FMN2: variants seen among roughly 807,000 people sequenced by gnomAD.
FMN2 encodes the protein formin-2.
In FMN2, 51 loss-of-function variants were observed where a neutral mutation model predicts 142.3. That is an observed-to-expected ratio of 0.36 (90% CI 0.29 to 0.45). The LOEUF (loss-of-function observed/expected upper bound fraction) is 0.45, where lower values mean the gene tolerates loss of function less well. Among genes scored for constraint, FMN2 ranks in the 20% least tolerant of loss-of-function variants. FMN2 has a pLI of 1.00. For synonymous variants in FMN2, 882 were observed against 869.8 expected, an observed-to-expected ratio of 1.01 and a Z score of -0.25; for missense variants, 1,936 against 2,122.8, an observed-to-expected ratio of 0.91 and a Z score of 1.73.
At chr1:240,239,091 G>GT (rs1456796240) in intron 6 of FMN2, among the ~76,000 whole-genome samples, 1 of 152,134 alleles carries the variant, frequency 6.6e-6, no homozygotes, top group Non-Finnish European at 1.5e-5. Context: ...CTATACTTGA[G>GT]TTTCGTTCAC....
rs752888492 is a variant in FMN2, at chr1:240,206,957, G to A, written c.2145G>A (p.Val715=). The stretch of plus-strand genomic sequence containing the variant: ...GTCATCAAGGGCTTGAGAATGGAGT[G>A]ACAGCCTCAGGCGATGTCTGTCTCG... ...ASGHQGLENG[V]TASGDVCLEA... Residue 715 remains valine, a synonymous_variant, in exon 5 of 18, where the codon GTG becomes GTA. Coordinates refer to ENST00000319653, the MANE Select transcript of FMN2 (RefSeq NM_020066.5). 6.2e-7 allele frequency: 1 copy of A among 1,614,120 alleles called. No homozygotes were observed. The highest frequency in any genetic ancestry group is 1.1e-5 in the South Asian group (1 of 91,086).
intron 6 of FMN2, among the ~76,000 whole-genome samples, chr1:240,252,257 T>C (rs1668301397): frequency 6.6e-6 from 1 of 152,150 alleles, no homozygotes; most frequent in African/African-American, 2.4e-5. Context: ...TCCTTTCTTT[T>C]TCTCTTATTG....
intron 6 of FMN2, among the ~76,000 whole-genome samples, chr1:240,229,693 T>C (rs769914083): frequency 7.4e-6 from 1 of 134,826 alleles, no homozygotes; most frequent in East Asian, 2.2e-4. Flanking sequence ...AGTCTCAGAC[T>C]GGAGTGCCAG....
Position 240,284,360 on chromosome 1 carries a change from GAAAC to G in FMN2, c.4154-10456_4154-10453del, listed in dbSNP as rs1213132972. ...TAAGCTGGGGGGGAGGATTGAGTTAGAAACAAACAGTCAGGAATGACTGACATTT... is the reference window on the plus strand; with the variant it reads ...TAAGCTGGGGGGGAGGATTGAGTTAGAAACAGTCAGGAATGACTGACATTT... On this transcript the variant is annotated intron_variant, in intron 7 of 17. Transcript: ENST00000319653. 3.9e-5 allele frequency among the ~76,000 whole-genome samples: 6 copies of G among 152,114 alleles called. No homozygotes were observed. The East Asian group carries it at 5.8e-4, about 15-fold the overall frequency.
At chr1:240,217,893 G>C (rs1217883584) in intron 6 of FMN2, among the ~76,000 whole-genome samples, 3 of 151,958 alleles carry the variant, frequency 2.0e-5, no homozygotes, top group Non-Finnish European at 1.5e-5. Flanking sequence ...TATATATTAG[G>C]GAAATTATAT....
At chr1:240,371,795 G>A (rs1268998285) in intron 14 of FMN2, among the ~76,000 whole-genome samples, 1 of 152,152 alleles carries the variant, frequency 6.6e-6, no homozygotes, top group Non-Finnish European at 1.5e-5. Flanking sequence ...TTTGTTGTAC[G>A]TTGTCTATGG....
intron 6 of FMN2, among the ~76,000 whole-genome samples, chr1:240,251,876 C>A (rs1668287784): frequency 6.6e-6 from 1 of 152,082 alleles, no homozygotes; most frequent in Non-Finnish European, 1.5e-5. Flanking sequence ...AAATTCAAGT[C>A]ATTTCCTTAA....
chr1:240,193,737 T>C (rs934716104), intron 4 of FMN2, among the ~76,000 whole-genome samples: 2 of 152,242 alleles, frequency 1.3e-5, no homozygotes, highest in Non-Finnish European at 2.9e-5. Flanking sequence ...AGCCCAGTCT[T>C]ATCTGGATTA....
At position 240,235,595 on chromosome 1, in the gene FMN2, A is replaced by T. The variant is rs199543335; in HGVS notation, c.4066-22350A>T. ...CCTGGCTAATTAAAAATTTTTTATT[A>T]TTTTTTTTAGAAATGGGTTCTCACT... is the stretch of plus-strand genomic sequence containing the variant. On this transcript the variant is annotated intron_variant, in intron 6 of 17. Coordinates refer to ENST00000319653, the MANE Select transcript of FMN2 (RefSeq NM_020066.5). Among the ~76,000 whole-genome samples the T allele has an allele frequency of 7.5e-4, 58 of 77,442 alleles. 2 individuals are homozygous for T. The highest frequency in any genetic ancestry group is 2.8e-3 in the South Asian group (5 of 1,800). 50.8% of individuals were successfully genotyped at this position (77,442 alleles called of 152,430 possible).
At chr1:240,378,184 C>G (rs923107186) in intron 14 of FMN2, among the ~76,000 whole-genome samples, 1 of 151,540 alleles carries the variant, frequency 6.6e-6, no homozygotes, top group Non-Finnish European at 1.5e-5. Context: ...GGGTTTCACT[C>G]TTGTTGCCCA....
chr1:240,171,959 A>C (rs141042400), intron 2 of FMN2, among the ~76,000 whole-genome samples: 23 of 152,308 alleles, frequency 1.5e-4, no homozygotes, highest in Admixed American at 3.3e-4. Flanking sequence ...TGAAGAATTT[A>C]AGGATGTGGA....
intron 2 of FMN2, among the ~76,000 whole-genome samples, chr1:240,159,083 A>G (rs1423758919): frequency 2.0e-5 from 3 of 152,106 alleles, no homozygotes; most frequent in Non-Finnish European, 4.4e-5. Flanking sequence ...TGCATTATCT[A>G]ATTGATGATA....
intron 6 of FMN2, 146 bp from the exon 7 acceptor site, chr1:240,257,799 T>TA (rs771955356): frequency 5.4e-4 from 350 of 654,022 alleles, no homozygotes; most frequent in East Asian, 6.4e-4. Context: ...CTTCAAACAT[T>TA]AAAAAAAACA....
intron 7 of FMN2, among the ~76,000 whole-genome samples, chr1:240,261,774 TG>T (rs1378483778): frequency 6.6e-6 from 1 of 152,148 alleles, no homozygotes; most frequent in East Asian, 1.9e-4. Context: ...AATAATTACC[TG>T]TGTGTGTGTT....
chr1:240,207,744 C>T lies in FMN2; in HGVS notation c.2932C>T (p.Pro978Ser), dbSNP rs769708788. The T allele has an allele frequency of 4.0e-6, 6 of 1,505,984 alleles. No homozygotes were observed. The African/African-American group carries it at 8.8e-5, about 22-fold the overall frequency. 93.3% of individuals were successfully genotyped at this position (1,505,984 alleles called of 1,614,324 possible). A position where few individuals can be genotyped will look rare whatever the true frequency, so the allele number is the denominator to read the frequency against. ...PPLPGAGIPP[P>S]PPLPGAGIPP... ...TCTTCCCGGAGCAGGAATACCTCCT[C>T]CACCCCCTCTACCCGGAGCGGGCAT... Residue 978 changes from proline to serine, a missense_variant, in exon 5 of 18, where the codon CCA becomes TCA. Coordinates refer to ENST00000319653, the MANE Select transcript of FMN2 (RefSeq NM_020066.5).
chr1:240,105,103 T>C (rs1456898409), intron 1 of FMN2, among the ~76,000 whole-genome samples: 2 of 100,962 alleles, frequency 2.0e-5, no homozygotes, highest in Non-Finnish European at 3.8e-5. Context: ...TATGCTTCTT[T>C]TTTTTTTTTT....
chr1:240,459,799 T>A (rs937970240), intron 16 of FMN2, among the ~76,000 whole-genome samples: 13 of 147,596 alleles, frequency 8.8e-5, no homozygotes, highest in Non-Finnish European at 1.5e-4. Flanking sequence ...TCTAGATTTT[T>A]CATTTTTAAC....
At chr1:240,232,932 T>G (rs1425558490) in intron 6 of FMN2, among the ~76,000 whole-genome samples, 2 of 152,256 alleles carry the variant, frequency 1.3e-5, no homozygotes, top group Non-Finnish European at 2.9e-5. Flanking sequence ...CTCAGATATT[T>G]ATTTTATCTT....
At chr1:240,306,935 A>G (rs1670428522) in intron 8 of FMN2, among the ~76,000 whole-genome samples, 1 of 152,154 alleles carries the variant, frequency 6.6e-6, no homozygotes, top group Non-Finnish European at 1.5e-5. Context: ...TTTTAGTAAT[A>G]GCCATTCTCA....
Sources: gnomAD v4.1 joint callset for allele counts (sites outside exome capture counted in the v4.1 genomes callset) on GRCh38, gnomAD v4.1.1 for gene constraint, MANE v1.5 for transcripts, NCBI Gene and HGNC (gene_info 2026-07-23, HGNC 2026-07-21) for gene names.